The following CCBE1 variants were observed in gnomAD, a reference collection of about 807,000 sequenced individuals.
The protein encoded by CCBE1 is collagen and calcium-binding EGF domain-containing protein 1.
A neutral mutation model predicts 50.0 loss-of-function variants in CCBE1; 37 were observed. The ratio of observed to expected loss-of-function variants is 0.74; its 90% CI spans 0.57 to 0.97. The LOEUF is 0.97. Among genes scored for constraint, CCBE1 ranks in the 50% least tolerant of loss-of-function variants. The pLI is 0.00. For missense variants in CCBE1, 538 were observed against 523.8 expected (o/e 1.03, Z -0.26); for synonymous variants, 234 against 203.7 (o/e 1.15, Z -1.27).
chr18:59,581,774 G>C (rs1271999772), intron 2 of CCBE1, among the ~76,000 whole-genome samples: 2 of 152,092 alleles, frequency 1.3e-5, no homozygotes. Flanking sequence ...CAGCATTCCT[G>C]GTATCCACCT....
At chr18:59,639,758 A>G (rs2053960799) in intron 2 of CCBE1, among the ~76,000 whole-genome samples, 1 of 152,234 alleles carries the variant, frequency 6.6e-6, no homozygotes, top group African/African-American at 2.4e-5. Flanking sequence ...GTCTCTGCCC[A>G]AAAGCTCTTT....
chr18:59,512,515 C>T (rs148709435), intron 2 of CCBE1, among the ~76,000 whole-genome samples: 2 of 152,370 alleles, frequency 1.3e-5, no homozygotes, highest in African/African-American at 2.4e-5. Flanking sequence ...CCACTGCCCT[C>T]AACTCATCCA....
chr18:59,628,745 T>C (rs569415606), intron 2 of CCBE1, among the ~76,000 whole-genome samples: 34 of 152,288 alleles, frequency 2.2e-4, no homozygotes, highest in African/African-American at 8.2e-4. Flanking sequence ...CAAGTGCCAG[T>C]CCTTCCTCTC....
intron 2 of CCBE1, among the ~76,000 whole-genome samples, chr18:59,653,463 C>T (rs1237287041): frequency 2.0e-5 from 3 of 152,224 alleles, no homozygotes; most frequent in Non-Finnish European, 4.4e-5. Flanking sequence ...AATCACATAG[C>T]TTAAAGGCTA....
At chr18:59,448,611 A>G (rs184229516) in intron 6 of CCBE1, among the ~76,000 whole-genome samples, 181 of 152,308 alleles carry the variant, frequency 1.2e-3, no homozygotes, top group Admixed American at 9.0e-3. Flanking sequence ...CAACTGGGCA[A>G]TCGTGACTGT....
chr18:59,619,901 A>G (rs935494287), intron 2 of CCBE1, among the ~76,000 whole-genome samples: 5 of 152,204 alleles, frequency 3.3e-5, no homozygotes, highest in African/African-American at 4.8e-5. Flanking sequence ...ACATCACTGA[A>G]GAAAAGGGAC....
chr18:59,665,703 G>A (rs1207452773), intron 2 of CCBE1, among the ~76,000 whole-genome samples: 1 of 152,064 alleles, frequency 6.6e-6, no homozygotes, highest in African/African-American at 2.4e-5. Context: ...ACTGTTTACG[G>A]CTCCGAGGTG....
chr18:59,434,100 G>A lies in CCBE1; in HGVS notation c.*1808C>T, dbSNP rs1910048531. On this transcript the variant is annotated 3_prime_UTR_variant, in exon 11 of 11. Transcript: ENST00000439986. ...AGACAGGGTTTCACCATGTTGGTCA[G>A]GCTGGTCTCGATCTCCTGACCTTGT... 1 of 144,902 alleles carries A rather than the reference G, an allele frequency of 6.9e-6. No individual in the cohort carries two copies. The highest frequency in any genetic ancestry group is 2.2e-4 in the South Asian group (1 of 4,480). 9.0% of individuals were successfully genotyped at this position (144,902 alleles called of 1,614,324 possible). A position where few individuals can be genotyped will look rare whatever the true frequency, so the allele number is the denominator to read the frequency against.
At chr18:59,482,556 AAAT>A (rs1400020805) in intron 2 of CCBE1, among the ~76,000 whole-genome samples, 3 of 152,212 alleles carry the variant, frequency 2.0e-5, no homozygotes, top group South Asian at 2.1e-4. Flanking sequence ...CTTAAAGCAA[AAAT>A]AATAACATAC....
intron 6 of CCBE1, among the ~76,000 whole-genome samples, chr18:59,450,853 G>A (rs1164392562): frequency 6.6e-6 from 1 of 152,124 alleles, no homozygotes; most frequent in African/African-American, 2.4e-5. Flanking sequence ...GTTTAATATG[G>A]ATTCCCAATA....
chr18:59,508,627 G>A (rs1026041409), intron 2 of CCBE1, among the ~76,000 whole-genome samples: 1 of 146,366 alleles, frequency 6.8e-6, no homozygotes, highest in African/African-American at 2.5e-5. Context: ...AAAAGAAAAA[G>A]AAACTACCCC....
rs751850918 is a variant in CCBE1, at chr18:59,436,058, G to A, written c.1071C>T (p.Phe357=). 2.9e-5 allele frequency: 46 copies of A among 1,614,022 alleles called. No individual in the cohort carries two copies. Among genetic ancestry groups the A allele is most frequent in the Non-Finnish European group, 3.6e-5 (42 of 1,180,034 alleles). ...CTGCTGAAGAGTGAGTCCGGTGCCC[G>A]AACACCTTTTCCTGCAGCTCAGTGA... ...NDITELQEKV[F]GHRTHSSAEE... The change falls in exon 11 of 11, where the codon TTC becomes TTT. Residue 357 remains phenylalanine, a synonymous_variant. Transcript: ENST00000439986.
At chr18:59,685,910 GCCTGGGCA>G (rs1486339659) in intron 2 of CCBE1, 2 of 152,204 alleles carry the variant, frequency 1.3e-5, no homozygotes, top group African/African-American at 2.4e-5. Context: ...CTGGGATGAA[GCCTGGGCA>G]CCTGCATTTT....
At chr18:59,459,966 T>C (rs752566461) in intron 5 of CCBE1, among the ~76,000 whole-genome samples, 5 of 152,208 alleles carry the variant, frequency 3.3e-5, no homozygotes, top group Non-Finnish European at 5.9e-5. Flanking sequence ...TAATAAGTGA[T>C]GCCAGGGGTC....
At chr18:59,570,746 T>C (rs2052899782) in intron 2 of CCBE1, among the ~76,000 whole-genome samples, 1 of 152,146 alleles carries the variant, frequency 6.6e-6, no homozygotes. Flanking sequence ...TTGCTCTGTG[T>C]GTGAGGTTTT....
At chr18:59,596,646 T>C (rs1259414238) in intron 2 of CCBE1, among the ~76,000 whole-genome samples, 1 of 152,198 alleles carries the variant, frequency 6.6e-6, no homozygotes, top group African/African-American at 2.4e-5. Context: ...AATTGATAGC[T>C]GAGAAGAGAG....
intron 5 of CCBE1, chr18:59,462,401 A>G (rs746350359): frequency 2.0e-5 from 3 of 152,014 alleles, no homozygotes; most frequent in African/African-American, 4.8e-5. Flanking sequence ...GGGTTTAATC[A>G]AAGTTTCTTT....
At chr18:59,510,476 C>T (rs1052256016) in intron 2 of CCBE1, among the ~76,000 whole-genome samples, 2 of 151,966 alleles carry the variant, frequency 1.3e-5, no homozygotes, top group African/African-American at 2.4e-5. Flanking sequence ...GACTGGAGGG[C>T]AATGGCGTGA....
chr18:59,467,935 T>C (rs899329365), intron 4 of CCBE1, among the ~76,000 whole-genome samples: 1 of 152,204 alleles, frequency 6.6e-6, no homozygotes, highest in Non-Finnish European at 1.5e-5. Flanking sequence ...TCCTCTGCAA[T>C]TCCTCAGGCT....
Sources: gnomAD v4.1 joint callset for allele counts (sites outside exome capture counted in the v4.1 genomes callset) on GRCh38, gnomAD v4.1.1 for gene constraint, MANE v1.5 for transcripts, NCBI Gene and HGNC (gene_info 2026-07-23, HGNC 2026-07-21) for gene names.